Variants in SUSD5 observed in about 807,000 individuals in gnomAD.
SUSD5 encodes the protein sushi domain-containing protein 5.
In SUSD5, 33 loss-of-function variants were observed where a neutral mutation model predicts 29.5. The ratio of observed to expected loss-of-function variants is 1.12; its 90% CI spans 0.85 to 1.49. The LOEUF (loss-of-function observed/expected upper bound fraction) is 1.49, where lower values mean the gene tolerates loss of function less well. Ranked by LOEUF, SUSD5 falls within the 40% of genes most tolerant of loss-of-function variation. The pLI, the probability that SUSD5 is intolerant of heterozygous loss-of-function variation, is 0.00. For synonymous variants in SUSD5, 308 were observed against 325.3 expected (o/e 0.95, Z 0.57); for missense variants, 776 against 800.6 (o/e 0.97, Z 0.37).
At chr3:33,189,674 C>T (rs1231958289) in intron 3 of SUSD5, among the ~76,000 whole-genome samples, 1 of 152,076 alleles carries the variant, frequency 6.6e-6, no homozygotes, top group Non-Finnish European at 1.5e-5. Flanking sequence ...ATAAATCACA[C>T]TAAAATGCCT....
intron 4 of SUSD5, among the ~76,000 whole-genome samples, chr3:33,174,360 C>G (rs1316958670): frequency 6.6e-6 from 1 of 152,000 alleles, no homozygotes; most frequent in East Asian, 1.9e-4. Context: ...GCCCCATGCC[C>G]CATAAGAGTC....
intron 4 of SUSD5, 23 bp from the exon 5 acceptor site, chr3:33,154,056 C>A: frequency 1.3e-6 from 2 of 1,543,064 alleles, no homozygotes; most frequent in Non-Finnish European, 1.7e-6. Flanking sequence ...AGGGAAAAAA[C>A]CTCATTAGCT....
At chr3:33,193,051 A>G (rs1017705084) in intron 3 of SUSD5, among the ~76,000 whole-genome samples, 4 of 152,098 alleles carry the variant, frequency 2.6e-5, no homozygotes, top group African/African-American at 9.7e-5. Context: ...AGCCTCCTAC[A>G]TTATTGAAAT....
At chr3:33,206,470 A>C (rs1346244145) in intron 3 of SUSD5, among the ~76,000 whole-genome samples, 1 of 151,820 alleles carries the variant, frequency 6.6e-6, no homozygotes, top group African/African-American at 2.4e-5. Flanking sequence ...TTAAGAAAAA[A>C]AATAAACCAC....
chr3:33,179,867 T>C lies in SUSD5; in HGVS notation c.410-4793A>G, dbSNP rs1038803321. Among the ~76,000 whole-genome samples, 4 of 152,360 alleles carry C rather than the reference T, an allele frequency of 2.6e-5. No homozygotes were observed. The East Asian group carries it at 7.7e-4, about 29-fold the overall frequency. On this transcript the variant is annotated intron_variant, in intron 3 of 4. Transcript: ENST00000309558. ...GGAGGAACTGAATATATGATGGTAG[T>C]CTCGTAAGATTATAATGGAGCTGAA...
intron 1 of SUSD5, among the ~76,000 whole-genome samples, chr3:33,217,529 T>G (rs1385016055): frequency 6.6e-6 from 1 of 152,190 alleles, no homozygotes; most frequent in East Asian, 1.9e-4. Flanking sequence ...GTTAAAAATG[T>G]TTTGTCTCTA....
chr3:33,197,719 C>T (rs1185252079), intron 3 of SUSD5, among the ~76,000 whole-genome samples: 5 of 152,128 alleles, frequency 3.3e-5, no homozygotes, highest in African/African-American at 1.2e-4. Context: ...TGGAGTAATA[C>T]AGTATGTATA....
At position 33,151,530 on chromosome 3, in the gene SUSD5, G is replaced by A. The variant is rs1010529808; in HGVS notation, c.*1212C>T. ...GCCCATACTTGATAACCTGGTGTTC[G>A]GCCCTCTGAAAACATTTCTTTTTTT... On this transcript the variant is annotated 3_prime_UTR_variant, in exon 5 of 5. Transcript: ENST00000309558. 5.3e-5 allele frequency: 8 copies of A among 151,908 alleles called. No individual in the cohort carries two copies. The highest frequency in any genetic ancestry group is 3.9e-4 in the East Asian group (2 of 5,188). The allele number at this position is 151,908 out of a possible 1,614,324, so 9.4% of individuals were successfully genotyped here.
chr3:33,174,115 T>C (rs1000809585), intron 4 of SUSD5, among the ~76,000 whole-genome samples: 5 of 152,136 alleles, frequency 3.3e-5, no homozygotes, highest in Non-Finnish European at 4.4e-5. Flanking sequence ...CAACTAACTA[T>C]TCAGACTCCA....
At chr3:33,164,825 ATATGGC>A (rs1188452527) in intron 4 of SUSD5, among the ~76,000 whole-genome samples, 1 of 152,200 alleles carries the variant, frequency 6.6e-6, no homozygotes, top group African/African-American at 2.4e-5. Flanking sequence ...ATACCCATCA[ATATGGC>A]TAAAAATTTC....
At chr3:33,164,969 A>AACACACACACACACACAC (rs34551240) in intron 4 of SUSD5, among the ~76,000 whole-genome samples, 1 of 147,036 alleles carries the variant, frequency 6.8e-6, no homozygotes, top group Non-Finnish European at 1.5e-5. Context: ...ACTAAAGTTG[A>AACACACACACACACACAC]ACACACACAC....
At chr3:33,210,527 C>T (rs1486515577) in intron 2 of SUSD5, among the ~76,000 whole-genome samples, 3 of 152,328 alleles carry the variant, frequency 2.0e-5, no homozygotes, top group Admixed American at 2.0e-4. Context: ...TCATTCTAGG[C>T]CTTTATCATT....
chr3:33,213,704 G>A (rs1412443138), intron 2 of SUSD5, among the ~76,000 whole-genome samples: 2 of 152,094 alleles, frequency 1.3e-5, no homozygotes, highest in Admixed American at 6.5e-5. Context: ...AACCTGGGAG[G>A]TGGAGGTTGC....
chr3:33,192,081 T>A (rs544990786), intron 3 of SUSD5, among the ~76,000 whole-genome samples: 159 of 149,606 alleles, frequency 1.1e-3, no homozygotes, highest in African/African-American at 3.7e-3. Flanking sequence ...ATGCGCATAT[T>A]TTTTTTTTTT....
intron 3 of SUSD5, among the ~76,000 whole-genome samples, chr3:33,195,314 T>C (rs2031975036): frequency 6.6e-6 from 1 of 152,256 alleles, no homozygotes; most frequent in African/African-American, 2.4e-5. Context: ...TCGCTTGTCC[T>C]ATAATTCTTC....
chr3:33,203,478 G>C (rs1425512735), intron 3 of SUSD5, among the ~76,000 whole-genome samples: 2 of 152,200 alleles, frequency 1.3e-5, no homozygotes, highest in African/African-American at 4.8e-5. Flanking sequence ...TCTTGCCCAG[G>C]CTAGGCTGGG....
intron 4 of SUSD5, among the ~76,000 whole-genome samples, chr3:33,165,010 A>G (rs2031276275): frequency 6.6e-6 from 1 of 150,822 alleles, no homozygotes; most frequent in African/African-American, 2.4e-5. Context: ...ACACACACGT[A>G]TGATCCAGCA....
intron 3 of SUSD5, among the ~76,000 whole-genome samples, chr3:33,195,277 CCCT>C (rs2031974145): frequency 2.0e-5 from 3 of 152,124 alleles, no homozygotes; most frequent in South Asian, 2.1e-4. Context: ...TAAAATAATT[CCCT>C]CGTTTTTGAA....
At position 33,183,968 on chromosome 3, in the gene SUSD5, C is replaced by T. The variant is rs189401737; in HGVS notation, c.410-8894G>A. 3.9e-3 allele frequency among the ~76,000 whole-genome samples: 274 copies of T among 71,104 alleles called. 3 individuals are homozygous for T. The highest frequency in any genetic ancestry group is 0.011 in the South Asian group (23 of 2,090). 46.6% of individuals were successfully genotyped at this position (71,104 alleles called of 152,430 possible). ...TTTTTTTTTTTTTGAGATGGAGTCT[C>T]GCTCTATCTCCTTGGCTGGAGTGCA... is the stretch of plus-strand genomic sequence containing the variant. On this transcript the variant is annotated intron_variant, in intron 3 of 4. Transcript: ENST00000309558.
Sources: allele counts gnomAD v4.1 joint callset (sites outside exome capture counted in the v4.1 genomes callset), GRCh38; gene constraint gnomAD v4.1.1; transcripts MANE v1.5; gene names NCBI Gene and HGNC (gene_info 2026-07-23, HGNC 2026-07-21).